Variants in JARID2 observed in about 807,000 individuals in gnomAD.
The protein encoded by JARID2 is jumonji and AT-rich interaction domain containing 2.
JARID2 carries 21 observed loss-of-function variants against 125.6 expected under a neutral mutation model. That is an observed-to-expected ratio of 0.17 (90% confidence interval 0.12 to 0.24). The LOEUF (loss-of-function observed/expected upper bound fraction) is 0.24. JARID2 is among the 10% of genes least tolerant of loss of function. The pLI is 1.00. For missense variants in JARID2, 1,303 were observed against 1,639.6 expected (o/e 0.79, Z 3.55); for synonymous variants, 736 against 661.6 (o/e 1.11, Z -1.73).
intron 6 of JARID2, among the ~76,000 whole-genome samples, chr6:15,491,642 T>C (rs1268663281): frequency 6.6e-6 from 1 of 152,230 alleles, no homozygotes; most frequent in African/African-American, 2.4e-5. Flanking sequence ...CTTGAACGAC[T>C]AAAACATTTT....
At chr6:15,257,545 CA>C (rs1330354901) in intron 1 of JARID2, among the ~76,000 whole-genome samples, 1 of 152,122 alleles carries the variant, frequency 6.6e-6, no homozygotes, top group Non-Finnish European at 1.5e-5. Flanking sequence ...GGGTTTTTCA[CA>C]GATTTGGGGC....
chr6:15,290,900 G>C (rs1442103034), intron 1 of JARID2, among the ~76,000 whole-genome samples: 1 of 152,198 alleles, frequency 6.6e-6, no homozygotes, highest in East Asian at 1.9e-4. Context: ...GATTACAGGC[G>C]TGAGGCACTG....
At chr6:15,518,127 C>T (rs912136234) in intron 17 of JARID2, among the ~76,000 whole-genome samples, 9 of 152,252 alleles carry the variant, frequency 5.9e-5, no homozygotes, top group Admixed American at 5.9e-4. Flanking sequence ...TGCTGTGTCC[C>T]TCCTTCACCT....
rs55922800 is a variant in JARID2 at position 15,404,991 on chromosome 6, T to C, written c.182-5233T>C. ...CTACATGCTCTAGTCCCTTTTTTTTTCCAGATATTAGAAAAGAGTTGTCTT... is the reference window on the plus strand; with the variant it reads ...CTACATGCTCTAGTCCCTTTTTTTTCCCAGATATTAGAAAAGAGTTGTCTT... On this transcript the variant is annotated intron_variant, in intron 2 of 17. Transcript: ENST00000341776. Among the ~76,000 whole-genome samples, 667 of 152,264 alleles carry C rather than the reference T, an allele frequency of 4.4e-3. 3 individuals carry two copies. Among genetic ancestry groups the C allele is most frequent in the African/African-American group, 0.013 (549 of 41,560 alleles).
intron 4 of JARID2, among the ~76,000 whole-genome samples, chr6:15,458,152 A>C (rs559597075): frequency 5.9e-5 from 9 of 151,684 alleles, no homozygotes; most frequent in Non-Finnish European, 1.2e-4. Context: ...CCCTGTCACC[A>C]CTCTGGTTAT....
At chr6:15,394,478 T>C (rs1765144190) in intron 2 of JARID2, among the ~76,000 whole-genome samples, 2 of 152,068 alleles carry the variant, frequency 1.3e-5, no homozygotes, top group Admixed American at 6.6e-5. Context: ...CGCCTACCTG[T>C]AGTACAGCTA....
At chr6:15,278,060 C>T (rs2127368652) in intron 1 of JARID2, among the ~76,000 whole-genome samples, 1 of 150,946 alleles carries the variant, frequency 6.6e-6, no homozygotes, top group South Asian at 2.1e-4. Context: ...TCAGCCTGGC[C>T]AACATGGTGA....
Position 15,432,458 on chromosome 6 carries a change from C to T in JARID2, c.324-19548C>T, listed in dbSNP as rs1313653477. ...CTACTCTCACCTTCAAAAACAACAACAACAACAACAACAACAACAACAAGA... is the reference window on the plus strand; with the variant it reads ...CTACTCTCACCTTCAAAAACAACAATAACAACAACAACAACAACAACAAGA... On this transcript the variant is annotated intron_variant, in intron 3 of 17. Transcript: ENST00000341776. Among the ~76,000 whole-genome samples the T allele has an allele frequency of 8.3e-5, 12 of 145,052 alleles. No individual in the cohort carries two copies. The East Asian group carries it at 2.3e-3, about 28-fold the overall frequency.
chr6:15,408,535 G>T (rs139867185), intron 2 of JARID2, among the ~76,000 whole-genome samples: 1 of 152,180 alleles, frequency 6.6e-6, no homozygotes, highest in Non-Finnish European at 1.5e-5. Context: ...GTGCTGATCA[G>T]TAAAGATATT....
rs892619626 is a variant in JARID2 at position 15,248,098 on chromosome 6, T to A, written c.45+1514T>A. ...CTTATTGCGGGCGTTCAGCGGATCG[T>A]GTCTCCGAGTCCGGGCGTCCGGCTG... On this transcript the variant is annotated intron_variant, in intron 1 of 17. Coordinates refer to ENST00000341776, the MANE Select transcript of JARID2 (RefSeq NM_004973.4). 3.4e-4 allele frequency: 332 copies of A among 985,244 alleles called. 1 individual carries two copies. The African/African-American group carries it at 3.8e-3, about 11-fold the overall frequency. 61.0% of individuals were successfully genotyped at this position (985,244 alleles called of 1,614,324 possible). A position where few individuals can be genotyped will look rare whatever the true frequency, so the allele number is the denominator to read the frequency against.
At chr6:15,469,121 T>C (rs1460236755) in intron 5 of JARID2, among the ~76,000 whole-genome samples, 1 of 151,938 alleles carries the variant, frequency 6.6e-6, no homozygotes, top group Non-Finnish European at 1.5e-5. Flanking sequence ...TGCACATACA[T>C]TCTGAAGTGG....
At chr6:15,401,094 T>C (rs1474118737) in intron 2 of JARID2, 2 of 1,288,684 alleles carry the variant, frequency 1.6e-6, no homozygotes, top group East Asian at 5.5e-5. Context: ...GTTGGAGAAA[T>C]AGGCCTTTGT....
rs911348405 is a variant in JARID2 at position 15,354,255 on chromosome 6, G to A, written c.46-19862G>A. ...GATGCAGTTTGAGGATGGATAAGGG[G>A]GCCACAAGCCATGGCATATTAGCAG... On this transcript the variant is annotated intron_variant, in intron 1 of 17. Coordinates refer to ENST00000341776, the MANE Select transcript of JARID2 (RefSeq NM_004973.4). 5.9e-5 allele frequency among the ~76,000 whole-genome samples: 9 copies of A among 152,272 alleles called. No homozygotes were observed. The South Asian group carries it at 1.9e-3, about 32-fold the overall frequency.
chr6:15,471,179 A>C (rs1429901649), intron 5 of JARID2, among the ~76,000 whole-genome samples: 1 of 152,206 alleles, frequency 6.6e-6, no homozygotes, highest in Non-Finnish European at 1.5e-5. Flanking sequence ...GATTTGTGGA[A>C]AGGTAATAAC....
At chr6:15,421,786 A>G (rs1480778343) in intron 3 of JARID2, among the ~76,000 whole-genome samples, 1 of 152,186 alleles carries the variant, frequency 6.6e-6, no homozygotes, top group Non-Finnish European at 1.5e-5. Flanking sequence ...TGTAGGTCTG[A>G]ATTTTCAGGT....
intron 1 of JARID2, among the ~76,000 whole-genome samples, chr6:15,353,783 A>G (rs1763507847): frequency 2.0e-5 from 3 of 152,198 alleles, no homozygotes; most frequent in Admixed American, 6.5e-5. Flanking sequence ...TTCTCTTTCT[A>G]GGGAAACGTA....
At chr6:15,408,193 A>C (rs1049072931) in intron 2 of JARID2, among the ~76,000 whole-genome samples, 1 of 152,136 alleles carries the variant, frequency 6.6e-6, no homozygotes. Context: ...TCAAGGCTGC[A>C]ATAAGCTATG....
At chr6:15,252,039 CCATT>C (rs1449780407) in intron 1 of JARID2, among the ~76,000 whole-genome samples, 1 of 151,944 alleles carries the variant, frequency 6.6e-6, no homozygotes, top group Admixed American at 6.6e-5. Flanking sequence ...GAGTGAGACT[CCATT>C]CAAAAAAAAA....
intron 3 of JARID2, among the ~76,000 whole-genome samples, chr6:15,421,613 T>C (rs563667405): frequency 2.0e-5 from 3 of 152,324 alleles, no homozygotes; most frequent in East Asian, 3.9e-4. Context: ...CTAGATAATA[T>C]TGTGCTAAAA....
Sources: allele counts gnomAD v4.1 joint callset (sites outside exome capture counted in the v4.1 genomes callset), GRCh38; gene constraint gnomAD v4.1.1; transcripts MANE v1.5; gene names NCBI Gene and HGNC (gene_info 2026-07-23, HGNC 2026-07-21).